The following RAB11FIP4 variants were observed in gnomAD, a reference collection of about 807,000 sequenced individuals.
The protein encoded by RAB11FIP4 is RAB11 family interacting protein 4.
A neutral mutation model predicts 74.3 loss-of-function variants in RAB11FIP4; 23 were observed. The observed-to-expected ratio is 0.31, with a 90% CI of 0.22 to 0.44. The LOEUF (loss-of-function observed/expected upper bound fraction) is 0.44. Among genes scored for constraint, RAB11FIP4 ranks in the 20% least tolerant of loss-of-function variants. The probability of loss-of-function intolerance (pLI) is 1.00; values close to 1 mark genes in which losing one functional copy is unlikely to be tolerated. For synonymous variants in RAB11FIP4, 360 were observed against 359.9 expected (o/e 1.00, Z 0.00); for missense variants, 630 against 863.9 (o/e 0.73, Z 3.39).
At chr17:31,466,975 CA>C (rs2071691605) in intron 3 of RAB11FIP4, among the ~76,000 whole-genome samples, 1 of 152,196 alleles carries the variant, frequency 6.6e-6, no homozygotes, top group African/African-American at 2.4e-5. Context: ...GGAATGTTCT[CA>C]AACATTGGCT....
intron 3 of RAB11FIP4, among the ~76,000 whole-genome samples, chr17:31,492,630 T>C (rs753641205): frequency 1.4e-4 from 21 of 152,156 alleles, no homozygotes; most frequent in Non-Finnish European, 2.9e-4. Flanking sequence ...CTGTTTTCAT[T>C]TGGAGCTATT....
chr17:31,430,915 G>A (rs568900343), intron 1 of RAB11FIP4, among the ~76,000 whole-genome samples: 33 of 152,266 alleles, frequency 2.2e-4, no homozygotes, highest in Non-Finnish European at 3.5e-4. Context: ...GAGGGAGGAC[G>A]GGGTCAGGGA....
At chr17:31,449,002 A>G (rs2071497405) in intron 3 of RAB11FIP4, among the ~76,000 whole-genome samples, 1 of 152,136 alleles carries the variant, frequency 6.6e-6, no homozygotes, top group Non-Finnish European at 1.5e-5. Context: ...AAGGTTCCTG[A>G]GGAGACAGGT....
chr17:31,397,678 GA>G (rs2070943451), intron 1 of RAB11FIP4, among the ~76,000 whole-genome samples: 1 of 152,140 alleles, frequency 6.6e-6, no homozygotes, highest in South Asian at 2.1e-4. Flanking sequence ...GGTCATCATG[GA>G]AGTGGGGCCA....
At chr17:31,494,373 G>GAGGATGAGGCTAGTACCTCCCTCACA (rs1235086652) in intron 3 of RAB11FIP4, among the ~76,000 whole-genome samples, 3 of 152,302 alleles carry the variant, frequency 2.0e-5, no homozygotes, top group African/African-American at 7.2e-5. Context: ...TTCGTGGTAA[G>GAGGATGAGGCTAGTACCTCCCTCACA]GCTCAAATAT....
chr17:31,423,785 C>T (rs1377455606), intron 1 of RAB11FIP4, among the ~76,000 whole-genome samples: 1 of 152,124 alleles, frequency 6.6e-6, no homozygotes. Context: ...TCAAATACAA[C>T]AACTTTATGG....
rs1395779036 is a variant in RAB11FIP4 at position 31,504,839 on chromosome 17, G to A, written c.337-12812G>A. On this transcript the variant is annotated intron_variant, in intron 3 of 14. Transcript: ENST00000621161. ...TAATATTCGGTTTCTATGTCTCTCA[G>A]TTAATCTAGAACAGTGGTTTGCAAA... Among the ~76,000 whole-genome samples, 4 of 152,092 alleles carry A rather than the reference G, an allele frequency of 2.6e-5. No homozygotes were observed. In the East Asian group the frequency reaches 7.7e-4, roughly 29 times the overall value.
At chr17:31,438,607 C>T (rs2071381907) in intron 3 of RAB11FIP4, among the ~76,000 whole-genome samples, 1 of 152,126 alleles carries the variant, frequency 6.6e-6, no homozygotes, top group Non-Finnish European at 1.5e-5. Flanking sequence ...TGGGACCCGT[C>T]CTTACCAAGG....
At chr17:31,398,641 G>A (rs574152595) in intron 1 of RAB11FIP4, among the ~76,000 whole-genome samples, 16 of 152,360 alleles carry the variant, frequency 1.1e-4, no homozygotes, top group African/African-American at 3.4e-4. Context: ...AGCCCATGAA[G>A]TGTGACGTTC....
chr17:31,463,831 T>TTTTTTTG (rs2071656861), intron 3 of RAB11FIP4, among the ~76,000 whole-genome samples: 5 of 129,596 alleles, frequency 3.9e-5, no homozygotes, highest in Non-Finnish European at 8.0e-5. Context: ...TTTTTTTTTT[T>TTTTTTTG]GAGACAGAGT....
Position 31,443,192 on chromosome 17 carries a change from G to A in RAB11FIP4, c.336+9070G>A, listed in dbSNP as rs562102443. 3.6e-3 allele frequency among the ~76,000 whole-genome samples: 552 copies of A among 152,250 alleles called. 4 individuals are homozygous for A. Among genetic ancestry groups the A allele is most frequent in the African/African-American group, 0.012 (517 of 41,552 alleles). ...TACATTTTTTGGTCACTAAGAGGGC[G>A]TTCTTCATGAATTGCCTGTCGACAT... On this transcript the variant is annotated intron_variant, in intron 3 of 14. Coordinates refer to ENST00000621161, the MANE Select transcript of RAB11FIP4 (RefSeq NM_032932.6).
In RAB11FIP4 at chr17:31,522,403, C is replaced by G; in HGVS notation, c.929+8C>G. Reference sequence around the variant, plus strand: ...CAGCACGGCCTTTGGACGGTAAGGCCCGCCTCGAGGGAGGGCAAATTGAGT... The same window carrying G: ...CAGCACGGCCTTTGGACGGTAAGGCGCGCCTCGAGGGAGGGCAAATTGAGT... On this transcript the variant is annotated splice_region_variant and intron_variant, in intron 7 of 14. Coordinates refer to ENST00000621161, the MANE Select transcript of RAB11FIP4 (RefSeq NM_032932.6). The G allele has an allele frequency of 6.2e-7, 1 of 1,613,596 alleles. No homozygotes were observed. Among genetic ancestry groups the G allele is most frequent in the Non-Finnish European group, 8.5e-7 (1 of 1,179,746 alleles).
At chr17:31,510,734 C>CA (rs757023074) in intron 3 of RAB11FIP4, among the ~76,000 whole-genome samples, 4 of 151,924 alleles carry the variant, frequency 2.6e-5, no homozygotes, top group Non-Finnish European at 4.4e-5. Flanking sequence ...TTCCTGCAGC[C>CA]AAAAAAACCC....
At chr17:31,399,770 G>A (rs754038415) in intron 1 of RAB11FIP4, among the ~76,000 whole-genome samples, 37 of 151,608 alleles carry the variant, frequency 2.4e-4, no homozygotes, top group Non-Finnish European at 4.6e-4. Context: ...TAGGCCCAGC[G>A]CAGTGGCTCA....
chr17:31,434,131 T>TG lies in RAB11FIP4; in HGVS notation c.336+15dup, dbSNP rs754825226. 4 of 1,569,890 alleles carry TG rather than the reference T, an allele frequency of 2.5e-6. No individual in the cohort carries two copies. Among genetic ancestry groups the TG allele is most frequent in the African/African-American group, 2.7e-5 (2 of 74,754 alleles). ...CAGACTGCGTGGAGCAGGTAAGGCT[T>TG]GGGGGGCCTCAAGGACCTCCATGGC... On this transcript the variant is annotated intron_variant, in intron 3 of 14. Transcript: ENST00000621161.
chr17:31,515,224 C>G (rs1357015620), intron 3 of RAB11FIP4, among the ~76,000 whole-genome samples: 1 of 152,030 alleles, frequency 6.6e-6, no homozygotes, highest in Non-Finnish European at 1.5e-5. Flanking sequence ...CAGCTTCAGG[C>G]TTGGGGATGA....
Position 31,391,841 on chromosome 17 carries a change from G to A in RAB11FIP4, c.-12G>A. The stretch of plus-strand genomic sequence containing the variant: ...GGGCGAGGGGTCCGGGCTGAGCTGC[G>A]GGCCGGCCCGGATGGCGGGCGGCGC... On this transcript the variant is annotated 5_prime_UTR_variant, in exon 1 of 15. Transcript: ENST00000621161. 2 of 1,063,074 alleles carry A rather than the reference G, an allele frequency of 1.9e-6. No individual in the cohort carries two copies. Among genetic ancestry groups the A allele is most frequent in the Non-Finnish European group, 1.1e-6 (1 of 882,938 alleles). 65.9% of individuals were successfully genotyped at this position (1,063,074 alleles called of 1,614,324 possible).
intron 3 of RAB11FIP4, among the ~76,000 whole-genome samples, chr17:31,475,817 G>A (rs1236666765): frequency 7.0e-6 from 1 of 142,628 alleles, no homozygotes; most frequent in African/African-American, 2.6e-5. Context: ...TTTTTTTGGC[G>A]ATTTTGCTAT....
intron 3 of RAB11FIP4, among the ~76,000 whole-genome samples, chr17:31,473,292 C>A (rs769021147): frequency 6.6e-6 from 1 of 151,462 alleles, no homozygotes; most frequent in Non-Finnish European, 1.5e-5. Context: ...ATAATCCCAG[C>A]ACTTTGGGAG....
Sources: allele counts gnomAD v4.1 joint callset (sites outside exome capture counted in the v4.1 genomes callset), GRCh38; gene constraint gnomAD v4.1.1; transcripts MANE v1.5; gene names NCBI Gene and HGNC (gene_info 2026-07-23, HGNC 2026-07-21).